Variants in AHSA1 observed in about 807,000 individuals in gnomAD.
AHSA1 encodes the protein activator of HSP90 ATPase activity 1, also known as activator of 90 kDa heat shock protein ATPase homolog 1.
A neutral mutation model predicts 46.1 loss-of-function variants in AHSA1; 14 were observed. The ratio of observed to expected loss-of-function variants is 0.30; its 90% CI spans 0.20 to 0.47. The LOEUF (loss-of-function observed/expected upper bound fraction) is 0.47. AHSA1 is among the 20% of genes least tolerant of loss of function. The pLI, the probability that AHSA1 is intolerant of heterozygous loss-of-function variation, is 0.99. For synonymous variants in AHSA1, 147 were observed against 145.8 expected, an observed-to-expected ratio of 1.01 and a Z score of -0.06; for missense variants, 333 against 415.9, an observed-to-expected ratio of 0.80 and a Z score of 1.73.
At position 77,468,081 on chromosome 14, in the gene AHSA1, A is replaced by G; in HGVS notation, c.691-2A>G. 2.0e-6 allele frequency: 2 copies of G among 1,015,482 alleles called. No individual in the cohort carries two copies. The highest frequency in any genetic ancestry group is 4.0e-5 in the Admixed American group (1 of 25,298). The allele number at this position is 1,015,482 out of a possible 1,614,324, so 62.9% of individuals were successfully genotyped here. On this transcript the variant is annotated splice_acceptor_variant, in intron 6 of 8. Transcript: ENST00000216479. LOFTEE classifies it high-confidence loss of function. Reference sequence around the variant, plus strand: ...TTTTTTTTTTTTTTTTTTTCCCTGCAGCTGGTGCAGGCCTTTACCCATGCT... The same window carrying G: ...TTTTTTTTTTTTTTTTTTTCCCTGCGGCTGGTGCAGGCCTTTACCCATGCT...
Position 77,458,137 on chromosome 14 carries a change from G to C in AHSA1, c.-53G>C, listed in dbSNP as rs1000715392. On this transcript the variant is annotated 5_prime_UTR_variant, in exon 1 of 9. Transcript: ENST00000216479. The stretch of plus-strand genomic sequence containing the variant: ...CGGGCGGCTGGCACTAAGCGGTCCT[G>C]AGGCTGTGGCTACGGCTGCTCCGGA... 11 of 1,483,060 alleles carry C rather than the reference G, an allele frequency of 7.4e-6. No homozygotes were observed. The African/African-American group carries it at 1.3e-4, about 18-fold the overall frequency. The allele number at this position is 1,483,060 out of a possible 1,614,324, so 91.9% of individuals were successfully genotyped here. A position where few individuals can be genotyped will look rare whatever the true frequency, so the allele number is the denominator to read the frequency against.
chr14:77,466,412 T>G (rs978257585), intron 6 of AHSA1: 30 of 155,344 alleles, frequency 1.9e-4, no homozygotes, highest in Non-Finnish European at 3.6e-4. Flanking sequence ...ATTCTGCTGC[T>G]ATAGTGTGGA....
intron 7 of AHSA1, 100 bp downstream of exon 7, chr14:77,468,284 C>A: frequency 4.5e-6 from 5 of 1,107,782 alleles, no homozygotes; most frequent in Admixed American, 2.7e-5. Flanking sequence ...AGGCTTTAAT[C>A]TCTTTGTTAA....
chr14:77,465,562 C>T lies in AHSA1; in HGVS notation c.585C>T (p.Thr195=), dbSNP rs375228178. ...ERKAKPAPSK[T]QARPVGVKIP... ...AGGCTAAGCCTGCTCCTTCAAAAAC[C>T]CAGGCCAGACCTGTTGGAGTCAAAA... Residue 195 remains threonine, a synonymous_variant, in exon 6 of 9, where the codon ACC becomes ACT. Transcript: ENST00000216479. 15 of 1,613,866 alleles carry T rather than the reference C, an allele frequency of 9.3e-6. No individual in the cohort carries two copies. The East Asian group carries it at 2.0e-4, about 22-fold the overall frequency.
intron 4 of AHSA1, 104 bp downstream of exon 4, chr14:77,462,863 T>TG (rs1241288889): frequency 2.1e-6 from 2 of 946,002 alleles, no homozygotes; most frequent in East Asian, 2.4e-5. Context: ...GGTAAAGATT[T>TG]GGGGGGAGGG....
chr14:77,458,761 A>G (rs2079002592), intron 1 of AHSA1, among the ~76,000 whole-genome samples: 1 of 152,228 alleles, frequency 6.6e-6, no homozygotes, highest in African/African-American at 2.4e-5. Flanking sequence ...CTCAGAGCTC[A>G]GATAGCTGCG....
At chr14:77,467,445 G>A (rs1007521446) in intron 6 of AHSA1, among the ~76,000 whole-genome samples, 1 of 151,554 alleles carries the variant, frequency 6.6e-6, no homozygotes, top group Non-Finnish European at 1.5e-5. Context: ...TGTAATCCCA[G>A]CACTTTGGGA....
chr14:77,468,974 CT>C, intron 8 of AHSA1, 102 bp from the exon 9 acceptor site: 1 of 1,357,038 alleles, frequency 7.4e-7, no homozygotes, highest in Non-Finnish European at 1.0e-6. Context: ...TGCCAAAGTG[CT>C]GGGATTACAG....
At chr14:77,461,757 C>T (rs1307570213) in intron 2 of AHSA1, among the ~76,000 whole-genome samples, 1 of 152,230 alleles carries the variant, frequency 6.6e-6, no homozygotes, top group Middle Eastern at 3.2e-3. Context: ...TAGTGTTTCT[C>T]ATGGATGGAG....
In AHSA1 at chr14:77,468,088, G is replaced by A. The variant is rs76737755; in HGVS notation, c.696G>A (p.Val232=). ...TTTTTTTTTTTTCCCTGCAGCTGGT[G>A]CAGGCCTTTACCCATGCTCCTGCAA... ...LYRVFTTQEL[V]QAFTHAPATL... Residue 232 remains valine (V), a synonymous_variant, in exon 7 of 9, where the codon GTG becomes GTA. Coordinates refer to ENST00000216479, the MANE Select transcript of AHSA1 (RefSeq NM_012111.3). 8.0e-3 allele frequency: 10,211 copies of A among 1,269,828 alleles called. 654 individuals are homozygous for A. The African/African-American group carries it at 0.14, about 18-fold the overall frequency. 78.7% of individuals were successfully genotyped at this position (1,269,828 alleles called of 1,614,324 possible).
At position 77,464,640 on chromosome 14, in the gene AHSA1, C is replaced by T. The variant is rs2079040196; in HGVS notation, c.515C>T (p.Ser172Leu). The change falls in exon 5 of 9, where the codon TCA becomes TTA. Residue 172 changes from serine (S) to leucine (L), a missense_variant. Transcript: ENST00000216479. ...GMILPTMNGESVDPVGQPALK... is the reference protein window; with the variant it reads ...GMILPTMNGELVDPVGQPALK... ...ATCTTACCTACAATGAATGGAGAGT[C>T]AGTAGACCCAGTGGGGCAGCCAGCA... The T allele has an allele frequency of 1.9e-6, 3 of 1,613,924 alleles. No individual in the cohort carries two copies. The highest frequency in any genetic ancestry group is 3.3e-5 in the Admixed American group (2 of 59,982).
intron 6 of AHSA1, among the ~76,000 whole-genome samples, chr14:77,466,631 C>T (rs545596646): frequency 1.3e-5 from 2 of 152,316 alleles, no homozygotes; most frequent in South Asian, 4.1e-4. Context: ...GTGATAAGTT[C>T]TCTCCCCCTT....
chr14:77,467,834 T>C (rs2079054206), intron 6 of AHSA1, among the ~76,000 whole-genome samples: 1 of 152,248 alleles, frequency 6.6e-6, no homozygotes, highest in Admixed American at 6.5e-5. Flanking sequence ...CTGAACCATA[T>C]ACAATTTCAA....
Position 77,458,124 on chromosome 14 carries a change from A to G in AHSA1, c.-66A>G, listed in dbSNP as rs2078994323. 7 of 1,402,056 alleles carry G rather than the reference A, an allele frequency of 5.0e-6. No individual in the cohort carries two copies. 86.9% of individuals were successfully genotyped at this position (1,402,056 alleles called of 1,614,324 possible). On this transcript the variant is annotated 5_prime_UTR_variant, in exon 1 of 9. Transcript: ENST00000216479. ...TTCCAGGCGCTGCCGGGCGGCTGGC[A>G]CTAAGCGGTCCTGAGGCTGTGGCTA...
intron 8 of AHSA1, chr14:77,468,792 G>A (rs1319717350): frequency 3.5e-6 from 2 of 575,696 alleles, no homozygotes; most frequent in South Asian, 4.1e-5. Flanking sequence ...ACATTGTCCA[G>A]GCTAGTCTCG....
chr14:77,461,017 G>A (rs370877113), intron 2 of AHSA1, among the ~76,000 whole-genome samples: 53 of 151,690 alleles, frequency 3.5e-4, no homozygotes, highest in African/African-American at 1.3e-3. Context: ...AAATTAGCCC[G>A]GCGTGGTGGC....
chr14:77,464,373 CA>C (rs1007977725), intron 4 of AHSA1, among the ~76,000 whole-genome samples: 11 of 149,042 alleles, frequency 7.4e-5, no homozygotes, highest in South Asian at 6.3e-4. Flanking sequence ...GACTCCATCT[CA>C]AAAAAAAAAT....
intron 8 of AHSA1, 54 bp downstream of exon 8, chr14:77,468,562 ATTTTTTTTT>A: frequency 2.8e-6 from 3 of 1,090,630 alleles, no homozygotes; most frequent in Non-Finnish European, 3.9e-6. Context: ...CTTTGCTGTA[ATTTTTTTTT>A]TTTTTTTTTT....
chr14:77,460,158 T>A (rs1414164491), intron 2 of AHSA1: 1 of 325,334 alleles, frequency 3.1e-6, no homozygotes, highest in Non-Finnish European at 5.9e-6. Context: ...TTGGTCTTGA[T>A]CTTTGTGCAC....
Sources: gnomAD v4.1 joint callset for allele counts (sites outside exome capture counted in the v4.1 genomes callset) on GRCh38, gnomAD v4.1.1 for gene constraint, MANE v1.5 for transcripts, NCBI Gene and HGNC (gene_info 2026-07-23, HGNC 2026-07-21) for gene names.